ZFAT: variants seen among roughly 807,000 people sequenced by gnomAD.
ZFAT encodes the protein zinc finger protein ZFAT.
ZFAT carries 64 observed loss-of-function variants against 117.7 expected under a neutral mutation model. The ratio of observed to expected loss-of-function variants is 0.54; its 90% CI spans 0.44 to 0.67. The LOEUF is 0.67. Ranked by LOEUF, ZFAT falls within the 30% of genes least tolerant of loss-of-function variation. ZFAT has a pLI of 0.00. For missense variants in ZFAT, 1,433 were observed against 1,584.5 expected, an observed-to-expected ratio of 0.90 and a Z score of 1.62; for synonymous variants, 679 against 615.0, an observed-to-expected ratio of 1.10 and a Z score of -1.54.
At chr8:134,807,971 C>G in the ZFAT span, among the ~76,000 whole-genome samples, 1 of 152,204 alleles carries the variant, frequency 6.6e-6, no homozygotes, top group African/African-American at 2.4e-5. Context: ...CTCATTATTA[C>G]TAACTGCCCT....
the ZFAT span, among the ~76,000 whole-genome samples, chr8:134,763,997 A>T: frequency 2.0e-5 from 3 of 152,234 alleles, no homozygotes; most frequent in African/African-American, 7.2e-5. Context: ...AAGCCTTGTT[A>T]TACTGATCAT....
chr8:134,825,999 C>T, the ZFAT span, among the ~76,000 whole-genome samples: 9 of 145,764 alleles, frequency 6.2e-5, no homozygotes, highest in Admixed American at 1.4e-4. Flanking sequence ...CCAGCCTGGG[C>T]GACAGAGCGA....
At chr8:134,729,571 G>A in the ZFAT span, among the ~76,000 whole-genome samples, 1 of 152,144 alleles carries the variant, frequency 6.6e-6, no homozygotes, top group Non-Finnish European at 1.5e-5. Flanking sequence ...CTGACCTTGT[G>A]ATCCACCCAC....
At chr8:134,499,321 G>A (rs1356758103) in intron 15 of ZFAT, among the ~76,000 whole-genome samples, 2 of 142,604 alleles carry the variant, frequency 1.4e-5, no homozygotes, top group Non-Finnish European at 3.1e-5. Flanking sequence ...GATTTGGTAG[G>A]GTCGGGGTGG....
Position 134,672,710 on chromosome 8 carries a change from C to T in ZFAT, c.20-14973G>A, listed in dbSNP as rs547769818. ...ATCATCATATACAATGGAACTCAGA[C>T]GGAAATGGCACAACATTTTTCAAAT... On this transcript the variant is annotated intron_variant, in intron 1 of 15. Coordinates refer to ENST00000377838, the MANE Select transcript of ZFAT (RefSeq NM_020863.4). Among the ~76,000 whole-genome samples the T allele has an allele frequency of 8.0e-4, 121 of 152,170 alleles. 1 individual carries two copies. In the South Asian group the frequency reaches 0.022, roughly 27 times the overall value.
At chr8:134,574,964 G>T (rs1825192927) in intron 10 of ZFAT, among the ~76,000 whole-genome samples, 1 of 151,534 alleles carries the variant, frequency 6.6e-6, no homozygotes. Context: ...ATTGCACTGT[G>T]CCTTCCTAAT....
At chr8:134,763,507 T>G in the ZFAT span, among the ~76,000 whole-genome samples, 1 of 152,232 alleles carries the variant, frequency 6.6e-6, no homozygotes, top group Admixed American at 6.5e-5. Context: ...TCAGCCTTCT[T>G]CATCTCTACT....
intron 2 of ZFAT, among the ~76,000 whole-genome samples, chr8:134,656,033 A>G (rs572241932): frequency 1.3e-5 from 2 of 152,294 alleles, no homozygotes; most frequent in African/African-American, 4.8e-5. Flanking sequence ...CTGTGAAGCT[A>G]TACTCTTCAG....
At chr8:134,515,432 T>C (rs1269052017) in intron 13 of ZFAT, among the ~76,000 whole-genome samples, 1 of 152,232 alleles carries the variant, frequency 6.6e-6, no homozygotes, top group African/African-American at 2.4e-5. Flanking sequence ...ACCAACAGTG[T>C]AAAAGCATTC....
chr8:134,824,700 T>A, the ZFAT span, among the ~76,000 whole-genome samples: 1 of 152,214 alleles, frequency 6.6e-6, no homozygotes, highest in Non-Finnish European at 1.5e-5. Flanking sequence ...ATTACAGAAG[T>A]AGTCATATAC....
the ZFAT span, among the ~76,000 whole-genome samples, chr8:134,737,148 C>T: frequency 3.3e-5 from 5 of 151,976 alleles, no homozygotes; most frequent in African/African-American, 7.3e-5. Flanking sequence ...GACGTGGTGG[C>T]GCATGATTGT....
At chr8:134,504,409 TA>T (rs1347456427) in intron 15 of ZFAT, among the ~76,000 whole-genome samples, 2 of 152,168 alleles carry the variant, frequency 1.3e-5, no homozygotes, top group Non-Finnish European at 2.9e-5. Context: ...TGTGTCATCA[TA>T]AGGTGTACTT....
chr8:134,787,791 T>C, the ZFAT span, among the ~76,000 whole-genome samples: 1 of 143,070 alleles, frequency 7.0e-6, no homozygotes, highest in Admixed American at 6.8e-5. Context: ...GGTATATCCA[T>C]ATATTTAGAA....
At chr8:134,613,564 C>T (rs533866525) in intron 3 of ZFAT, among the ~76,000 whole-genome samples, 38 of 152,260 alleles carry the variant, frequency 2.5e-4, no homozygotes, top group African/African-American at 8.9e-4. Flanking sequence ...TCCTTCCCCA[C>T]GGCTGCTTTG....
intron 15 of ZFAT, among the ~76,000 whole-genome samples, chr8:134,483,166 C>T (rs1271506309): frequency 6.6e-6 from 1 of 152,218 alleles, no homozygotes; most frequent in African/African-American, 2.4e-5. Flanking sequence ...GCTCCCACGG[C>T]ACCCAATATC....
the ZFAT span, among the ~76,000 whole-genome samples, chr8:134,720,541 T>C: frequency 6.6e-6 from 1 of 152,056 alleles, no homozygotes; most frequent in Non-Finnish European, 1.5e-5. Context: ...AGATCTGAAG[T>C]GTGATGAGAA....
chr8:134,536,785 C>T (rs1821874559), intron 11 of ZFAT, among the ~76,000 whole-genome samples: 1 of 152,148 alleles, frequency 6.6e-6, no homozygotes, highest in African/African-American at 2.4e-5. Context: ...AATATCAACT[C>T]CAAAGATTAA....
intron 5 of ZFAT, among the ~76,000 whole-genome samples, chr8:134,605,498 A>G (rs1827816705): frequency 6.6e-6 from 1 of 151,294 alleles, no homozygotes; most frequent in South Asian, 2.1e-4. Flanking sequence ...GTGAGCCCAG[A>G]TCGCGCCACT....
At chr8:134,577,865 T>A (rs1238740693) in intron 10 of ZFAT, among the ~76,000 whole-genome samples, 1 of 152,054 alleles carries the variant, frequency 6.6e-6, no homozygotes, top group East Asian at 1.9e-4. Context: ...ATAAGGAAAC[T>A]ATATAATGCA....
Sources: allele counts gnomAD v4.1 joint callset (sites outside exome capture counted in the v4.1 genomes callset), GRCh38; gene constraint gnomAD v4.1.1; transcripts MANE v1.5; gene names NCBI Gene and HGNC (gene_info 2026-07-23, HGNC 2026-07-21).